RGS20: variants seen among roughly 807,000 people sequenced by gnomAD.
RGS20 encodes the protein gz-selective GTPase-activating protein.
Under a neutral mutation model 33.6 loss-of-function variants are expected in RGS20, and 30 were observed. The observed-to-expected ratio is 0.89, with a 90% CI of 0.67 to 1.21. The LOEUF is 1.21. Ranked by LOEUF, RGS20 falls within the 50% of genes most tolerant of loss-of-function variation. The pLI is 0.00. For missense variants in RGS20, 472 were observed against 502.4 expected (o/e 0.94, Z 0.58); for synonymous variants, 208 against 197.9 (o/e 1.05, Z -0.43).
chr8:53,880,555 G>T (rs1326183639), intron 2 of RGS20, among the ~76,000 whole-genome samples: 1 of 152,154 alleles, frequency 6.6e-6, no homozygotes, highest in East Asian at 1.9e-4. Flanking sequence ...CCTTCCTCCC[G>T]CTCCCTTCAT....
chr8:53,943,120 T>C (rs9298496), intron 3 of RGS20, among the ~76,000 whole-genome samples: 56,256 of 152,060 alleles, frequency 0.37, 10,651 homozygotes, highest in South Asian at 0.58. Flanking sequence ...AATTATGAAT[T>C]GGAATGGTAA....
At position 53,903,411 on chromosome 8, in the gene RGS20, G is replaced by A. The variant is rs1314963703; in HGVS notation, c.510+23809G>A. The stretch of plus-strand genomic sequence containing the variant: ...CAACTTTGACTAACCTGGAATGCTC[G>A]TTACACAGTCCTGAAATTAATTTTG... On this transcript the variant is annotated intron_variant, in intron 2 of 5. Coordinates refer to ENST00000297313, the MANE Select transcript of RGS20 (RefSeq NM_170587.4). Among the ~76,000 whole-genome samples the A allele has an allele frequency of 8.5e-5, 13 of 152,258 alleles. No homozygotes were observed. The East Asian group carries it at 9.6e-4, about 11-fold the overall frequency.
chr8:53,852,400 T>G (rs2129265202), intron 1 of RGS20, among the ~76,000 whole-genome samples: 1 of 152,330 alleles, frequency 6.6e-6, no homozygotes, highest in East Asian at 1.9e-4. Flanking sequence ...TTCTCCGATA[T>G]AAATATTACA....
chr8:53,854,926 C>T (rs953770631), intron 1 of RGS20, among the ~76,000 whole-genome samples: 5 of 152,148 alleles, frequency 3.3e-5, no homozygotes, highest in South Asian at 2.1e-4. Context: ...ACTATGGAAT[C>T]CTATGAAGCC....
intron 2 of RGS20, among the ~76,000 whole-genome samples, chr8:53,897,833 C>T (rs1812910647): frequency 6.6e-6 from 1 of 152,204 alleles, no homozygotes; most frequent in Non-Finnish European, 1.5e-5. Flanking sequence ...ATCAGAGGGA[C>T]ACAATGTCTG....
chr8:53,926,097 C>T (rs1484464093), intron 2 of RGS20, among the ~76,000 whole-genome samples: 1 of 152,144 alleles, frequency 6.6e-6, no homozygotes, highest in Non-Finnish European at 1.5e-5. Context: ...GTGGTTCCTG[C>T]TACTTGGGAG....
intron 1 of RGS20, among the ~76,000 whole-genome samples, chr8:53,868,366 C>G (rs1811966589): frequency 6.6e-6 from 1 of 152,110 alleles, no homozygotes; most frequent in Non-Finnish European, 1.5e-5. Context: ...ATGACTATGT[C>G]TCCTGGATAT....
chr8:53,909,209 G>GCA (rs1813272878), intron 2 of RGS20, among the ~76,000 whole-genome samples: 1 of 43,724 alleles, frequency 2.3e-5, no homozygotes, highest in African/African-American at 1.1e-4. Flanking sequence ...TGGTATGTGT[G>GCA]TATATATATA....
At chr8:53,957,675 TAAC>T (rs1814908433) in intron 5 of RGS20, among the ~76,000 whole-genome samples, 1 of 152,156 alleles carries the variant, frequency 6.6e-6, no homozygotes, top group Admixed American at 6.5e-5. Flanking sequence ...TTGTGGGAAA[TAAC>T]AAGCATCAGG....
At chr8:53,950,763 G>C (rs1415322023) in intron 4 of RGS20, among the ~76,000 whole-genome samples, 1 of 151,708 alleles carries the variant, frequency 6.6e-6, no homozygotes, top group Non-Finnish European at 1.5e-5. Context: ...TACAGGCATG[G>C]GCCACCACAC....
At chr8:53,955,007 T>G (rs1814826965) in intron 5 of RGS20, among the ~76,000 whole-genome samples, 1 of 151,450 alleles carries the variant, frequency 6.6e-6, no homozygotes, top group African/African-American at 2.4e-5. Flanking sequence ...TTTAACTTTT[T>G]CCAGAAAAAT....
chr8:53,877,760 C>G lies in RGS20; in HGVS notation c.166-1498C>G, dbSNP rs926229025. Among the ~76,000 whole-genome samples, 2 of 152,176 alleles carry G rather than the reference C, an allele frequency of 1.3e-5. No individual in the cohort carries two copies. Among genetic ancestry groups the G allele is most frequent in the African/African-American group, 4.8e-5 (2 of 41,442 alleles). ...TGTGAACTTACTCGGAAATGCAAACCGAGTTCAACTCACCCAGGAGCAAAC... is the reference window on the plus strand; with the variant it reads ...TGTGAACTTACTCGGAAATGCAAACGGAGTTCAACTCACCCAGGAGCAAAC... On this transcript the variant is annotated intron_variant, in intron 1 of 5. Transcript: ENST00000297313. This position sits in a 1 kb window ranked among gnomAD's most constrained non-coding sequence, Gnocchi z 5.7.
intron 2 of RGS20, among the ~76,000 whole-genome samples, chr8:53,920,934 T>C (rs1813627030): frequency 6.6e-6 from 1 of 151,978 alleles, no homozygotes; most frequent in Admixed American, 6.6e-5. Context: ...AATTTTTGTA[T>C]TTTTTAGTAG....
intron 2 of RGS20, among the ~76,000 whole-genome samples, chr8:53,931,320 G>A (rs1165613935): frequency 3.3e-5 from 5 of 152,188 alleles, no homozygotes; most frequent in Non-Finnish European, 5.9e-5. Flanking sequence ...ACTTTGAGAG[G>A]CCAAGGTGGG....
chr8:53,948,331 AAGAC>A (rs1470415819), intron 4 of RGS20, among the ~76,000 whole-genome samples: 1 of 133,648 alleles, frequency 7.5e-6, no homozygotes, highest in Admixed American at 7.5e-5. Flanking sequence ...TGCTATATAT[AAGAC>A]AGTATATATT....
Position 53,958,372 on chromosome 8 carries a change from C to T in RGS20, c.1081C>T (p.His361Tyr). 1 of 1,613,752 alleles carries T rather than the reference C, an allele frequency of 6.2e-7. No individual in the cohort carries two copies. The highest frequency in any genetic ancestry group is 8.5e-7 in the Non-Finnish European group (1 of 1,179,714). ...TCAACTTCAGATTTACACCCTGATGCACAGAGACTCATATCCTCGATTCAT... is the reference window on the plus strand; with the variant it reads ...TCAACTTCAGATTTACACCCTGATGTACAGAGACTCATATCCTCGATTCAT... The change falls in exon 6 of 6, where the codon CAC becomes TAC. Residue 361 changes from histidine (H) to tyrosine (Y), a missense_variant. By Grantham distance (83) the His-to-Tyr change is moderately conservative. This residue lies in a region of RGS20 where 125 missense variants were observed against 169.5 expected (regional missense o/e 0.74). Coordinates refer to ENST00000297313, the MANE Select transcript of RGS20 (RefSeq NM_170587.4).
At chr8:53,938,740 C>G (rs544612745) in intron 2 of RGS20, among the ~76,000 whole-genome samples, 1 of 152,150 alleles carries the variant, frequency 6.6e-6, no homozygotes, top group African/African-American at 2.4e-5. Context: ...TAGTATCCAA[C>G]GTAAAATGGG....
At chr8:53,903,758 T>C (rs1408178125) in intron 2 of RGS20, among the ~76,000 whole-genome samples, 1 of 152,176 alleles carries the variant, frequency 6.6e-6, no homozygotes, top group Non-Finnish European at 1.5e-5. Context: ...CAGCACTAGA[T>C]GCTGCTTCAG....
At chr8:53,911,100 T>C (rs1813335491) in intron 2 of RGS20, among the ~76,000 whole-genome samples, 1 of 152,188 alleles carries the variant, frequency 6.6e-6, no homozygotes, top group Non-Finnish European at 1.5e-5. Context: ...GAAATAAAAA[T>C]AGTGCTATCT....
Sources: allele counts gnomAD v4.1 joint callset (sites outside exome capture counted in the v4.1 genomes callset), GRCh38; gene constraint gnomAD v4.1.1; regional missense constraint gnomAD v4.1.1; non-coding constraint Gnocchi (gnomAD v3.1); transcripts MANE v1.5; gene names NCBI Gene and HGNC (gene_info 2026-07-23, HGNC 2026-07-21).